The following DPP10 variants were observed in gnomAD, a reference collection of about 807,000 sequenced individuals.
DPP10 encodes dipeptidyl peptidase like 10.
In DPP10, 33 loss-of-function variants were observed where a neutral mutation model predicts 120.9. The observed-to-expected ratio is 0.27, with a 90% CI of 0.21 to 0.37. The LOEUF (loss-of-function observed/expected upper bound fraction) is 0.37. Ranked by LOEUF, DPP10 falls within the 10% of genes least tolerant of loss-of-function variation. The pLI is 1.00. For synonymous variants in DPP10, 337 were observed against 326.1 expected, an observed-to-expected ratio of 1.03 and a Z score of -0.36; for missense variants, 816 against 942.8, an observed-to-expected ratio of 0.87 and a Z score of 1.76.
intron 1 of DPP10, among the ~76,000 whole-genome samples, chr2:115,120,736 A>G (rs2049779115): frequency 6.6e-6 from 1 of 152,182 alleles, no homozygotes; most frequent in Non-Finnish European, 1.5e-5. Flanking sequence ...GGTCACCTAC[A>G]ACATACTTGG....
At chr2:114,467,697 G>A (rs998631062) in intron 1 of DPP10, among the ~76,000 whole-genome samples, 14 of 152,100 alleles carry the variant, frequency 9.2e-5, no homozygotes, top group African/African-American at 3.4e-4. Context: ...TCAATGCTTT[G>A]AATTAATAAT....
intron 1 of DPP10, among the ~76,000 whole-genome samples, chr2:115,157,141 C>T (rs1437405905): frequency 1.3e-5 from 2 of 149,904 alleles, no homozygotes; most frequent in Non-Finnish European, 2.9e-5. Flanking sequence ...CAGAGAAAAG[C>T]ATACACGGTA....
At chr2:114,958,902 G>A (rs894048074) in intron 1 of DPP10, among the ~76,000 whole-genome samples, 4 of 152,094 alleles carry the variant, frequency 2.6e-5, no homozygotes, top group East Asian at 1.9e-4. Context: ...TAAAAAAAGG[G>A]GGTAACTCAT....
At chr2:115,331,650 C>G (rs1010065061) in intron 2 of DPP10, among the ~76,000 whole-genome samples, 4 of 152,136 alleles carry the variant, frequency 2.6e-5, no homozygotes, top group African/African-American at 9.7e-5. Flanking sequence ...TGAATTTTGT[C>G]AAAGGCCTTT....
At chr2:114,801,395 G>A (rs13021052) in intron 1 of DPP10, among the ~76,000 whole-genome samples, 8,881 of 152,116 alleles carry the variant, frequency 0.058, 296 homozygotes, top group South Asian at 0.1. Flanking sequence ...AGTGACATCC[G>A]GACCCCAACT....
chr2:114,456,179 G>T (rs17048372), intron 1 of DPP10, among the ~76,000 whole-genome samples: 24,557 of 152,086 alleles, frequency 0.16, 2,082 homozygotes, highest in South Asian at 0.22. Context: ...CATCAGAACT[G>T]GGAACTCAGA....
intron 1 of DPP10, among the ~76,000 whole-genome samples, chr2:115,019,986 A>T: frequency 6.6e-6 from 1 of 152,214 alleles, no homozygotes; most frequent in Admixed American, 6.5e-5. Flanking sequence ...CCCACTACCT[A>T]GCCCTCACTA....
At chr2:115,655,907 G>A (rs1271578142) in intron 5 of DPP10, among the ~76,000 whole-genome samples, 2 of 151,424 alleles carry the variant, frequency 1.3e-5, no homozygotes, top group Non-Finnish European at 3.0e-5. Context: ...TAAATACCAT[G>A]GGAAATAGTC....
At chr2:115,753,613 T>C (rs568618255) in intron 11 of DPP10, among the ~76,000 whole-genome samples, 22 of 152,298 alleles carry the variant, frequency 1.4e-4, no homozygotes, top group African/African-American at 5.3e-4. Context: ...ATATTTTGTC[T>C]TTGATTATCT....
intron 1 of DPP10, among the ~76,000 whole-genome samples, chr2:114,523,845 C>T (rs1366204247): frequency 1.3e-5 from 2 of 152,146 alleles, no homozygotes; most frequent in Non-Finnish European, 1.5e-5. Flanking sequence ...TTTCTCTCTA[C>T]TCACCCTAAT....
intron 3 of DPP10, among the ~76,000 whole-genome samples, chr2:115,382,221 A>G (rs112480439): frequency 0.057 from 8,706 of 152,180 alleles, 349 homozygotes; most frequent in Middle Eastern, 0.099. Context: ...CTCTGTGGGC[A>G]TAGGACCCTC....
intron 1 of DPP10, among the ~76,000 whole-genome samples, chr2:114,933,964 T>A (rs1696268850): frequency 6.6e-6 from 1 of 152,192 alleles, no homozygotes; most frequent in Admixed American, 6.5e-5. Flanking sequence ...CTGCTCTCAC[T>A]TTCCTTCTAT....
rs755565008 is a variant in DPP10, at chr2:115,689,828, C to T, written c.495-12C>T. On this transcript the variant is annotated splice_polypyrimidine_tract_variant and intron_variant, in intron 6 of 25. Transcript: ENST00000410059. ...CAGTTTGTTCATGTAAAAATATTCA[C>T]ATTTTTTCAAGGGAAGTTTGGGAGT... is the stretch of plus-strand genomic sequence containing the variant. 141 of 1,613,388 alleles carry T rather than the reference C, an allele frequency of 8.7e-5. No homozygotes were observed. The highest frequency in any genetic ancestry group is 1.2e-4 in the Non-Finnish European group (136 of 1,179,734).
intron 1 of DPP10, among the ~76,000 whole-genome samples, chr2:114,875,772 A>T (rs952172702): frequency 2.0e-5 from 3 of 152,162 alleles, no homozygotes; most frequent in Non-Finnish European, 4.4e-5. Context: ...ATGCTATTTT[A>T]TTGTTGCTAA....
In DPP10 at chr2:115,098,244, G is replaced by T. The variant is rs557644500; in HGVS notation, c.61-210995G>T. On this transcript the variant is annotated intron_variant, in intron 1 of 25. Transcript: ENST00000410059. Reference sequence around the variant, plus strand: ...AAAAACACTCCCAGAAGTTGGGGGAGTAACAGCTTCAGTCCTAATGAGAGA... The same window carrying T: ...AAAAACACTCCCAGAAGTTGGGGGATTAACAGCTTCAGTCCTAATGAGAGA... 2.0e-5 allele frequency among the ~76,000 whole-genome samples: 3 copies of T among 152,252 alleles called. 1 individual carries two copies. The South Asian group carries it at 6.2e-4, about 32-fold the overall frequency.
chr2:115,327,150 C>A (rs1337499445), intron 2 of DPP10, among the ~76,000 whole-genome samples: 3 of 151,978 alleles, frequency 2.0e-5, no homozygotes, highest in Non-Finnish European at 2.9e-5. Context: ...GTTTCAATTG[C>A]CTGTGATTTT....
chr2:114,492,315 G>A (rs1682074809), intron 1 of DPP10, among the ~76,000 whole-genome samples: 1 of 151,984 alleles, frequency 6.6e-6, no homozygotes, highest in South Asian at 2.1e-4. Flanking sequence ...CATTTCATGA[G>A]ATGTTAAAAG....
At chr2:115,038,328 T>TG (rs1389813382) in intron 1 of DPP10, among the ~76,000 whole-genome samples, 1 of 152,182 alleles carries the variant, frequency 6.6e-6, no homozygotes, top group South Asian at 2.1e-4. Flanking sequence ...TGGAGTGCAG[T>TG]GGCGCCATCT....
At chr2:115,840,869 C>T in intron 25 of DPP10, 46 bp downstream of exon 25, 1 of 1,525,740 alleles carries the variant, frequency 6.6e-7, no homozygotes, top group Non-Finnish European at 9.0e-7. Context: ...TGTGTTTTTT[C>T]ACTTGTGAGA....
Sources: gnomAD v4.1 joint callset for allele counts (sites outside exome capture counted in the v4.1 genomes callset) on GRCh38, gnomAD v4.1.1 for gene constraint, MANE v1.5 for transcripts, NCBI Gene and HGNC (gene_info 2026-07-23, HGNC 2026-07-21) for gene names.